Variants in DAB2IP observed in about 807,000 individuals in gnomAD.
DAB2IP encodes the protein disabled homolog 2-interacting protein.
Under a neutral mutation model 107.2 loss-of-function variants are expected in DAB2IP, and 28 were observed. That is an observed-to-expected ratio of 0.26 (90% CI 0.19 to 0.36). DAB2IP has a LOEUF of 0.36. Ranked by LOEUF, DAB2IP falls within the 10% of genes least tolerant of loss-of-function variation. The pLI, the probability that DAB2IP is intolerant of heterozygous loss-of-function variation, is 1.00. For missense variants in DAB2IP, 1,400 were observed against 1,644.7 expected, an observed-to-expected ratio of 0.85 and a Z score of 2.57; for synonymous variants, 755 against 706.4, an observed-to-expected ratio of 1.07 and a Z score of -1.09.
intron 1 of DAB2IP, among the ~76,000 whole-genome samples, chr9:121,574,704 C>G (rs1476221304): frequency 6.6e-6 from 1 of 152,136 alleles, no homozygotes; most frequent in Non-Finnish European, 1.5e-5. Context: ...TGTGAGCTTT[C>G]TCCACTTTGG....
In DAB2IP at chr9:121,702,213, G is replaced by A. The variant is rs1185396567; in HGVS notation, c.362+2755G>A. ...TGTGTTGGGGAGGTGGTTTTTTTGC[G>A]CTGGAATTCTCTCATCTGGAGGTTG... On this transcript the variant is annotated intron_variant, in intron 3 of 15. Transcript: ENST00000408936. This position sits in a 1 kb window ranked among gnomAD's most constrained non-coding sequence, Gnocchi z 4.5. 3.3e-5 allele frequency among the ~76,000 whole-genome samples: 5 copies of A among 152,106 alleles called. No homozygotes were observed. The highest frequency in any genetic ancestry group is 1.9e-4 in the East Asian group (1 of 5,194).
At position 121,760,847 on chromosome 9, in the gene DAB2IP, G is replaced by A. The variant is rs184445798; in HGVS notation, c.1170+408G>A. 6.6e-6 allele frequency among the ~76,000 whole-genome samples: 1 copy of A among 152,158 alleles called. No individual in the cohort carries two copies. The highest frequency in any genetic ancestry group is 2.1e-4 in the South Asian group (1 of 4,830). On this transcript the variant is annotated intron_variant, in intron 6 of 15. Coordinates refer to ENST00000408936, the Ensembl canonical transcript of DAB2IP. The surrounding 1 kb of genome is among the most constrained non-coding windows in gnomAD (Gnocchi z 5.9). ...ACGTCCCCTGTGGGGTATGGAGTTC[G>A]GCAGACCTCCCCAGCACGATGCACA...
At chr9:121,644,973 A>G (rs1832489009) in intron 1 of DAB2IP, among the ~76,000 whole-genome samples, 1 of 152,234 alleles carries the variant, frequency 6.6e-6, no homozygotes, top group Admixed American at 6.5e-5. Flanking sequence ...GAAATGGTTC[A>G]CAGATGACCA....
In DAB2IP at chr9:121,773,452, AG is replaced by A; in HGVS notation, c.2929del (p.Asp977ThrfsTer5). Reference sequence around the variant, plus strand: ...CTGAGGCAGCAGTCCTCTTCCTCCAAGGGGGACAGCCCAGAACTGAAGCCAC... The same window carrying A: ...CTGAGGCAGCAGTCCTCTTCCTCCAAGGGGACAGCCCAGAACTGAAGCCAC... On this transcript the variant is annotated frameshift_variant, in exon 12 of 16. Coordinates refer to ENST00000408936, the Ensembl canonical transcript of DAB2IP. LOFTEE classifies it high-confidence loss of function. 2.6e-6 allele frequency: 4 copies of A among 1,539,512 alleles called. No individual in the cohort carries two copies. The highest frequency in any genetic ancestry group is 3.5e-6 in the Non-Finnish European group (4 of 1,146,800).
chr9:121,671,525 C>T (rs1208518261), intron 1 of DAB2IP, among the ~76,000 whole-genome samples: 3 of 152,170 alleles, frequency 2.0e-5, no homozygotes, highest in African/African-American at 4.8e-5. Flanking sequence ...TTCTGCCTTA[C>T]TCATTCTGGA....
intron 3 of DAB2IP, among the ~76,000 whole-genome samples, chr9:121,743,963 T>C (rs1832536812): frequency 6.6e-6 from 1 of 152,060 alleles, no homozygotes; most frequent in African/African-American, 2.4e-5. Context: ...AGAAGAGCAC[T>C]GTTGCTGTTT....
intron 14 of DAB2IP, among the ~76,000 whole-genome samples, chr9:121,780,695 G>T (rs1588022672): frequency 6.6e-6 from 1 of 152,204 alleles, no homozygotes; most frequent in South Asian, 2.1e-4. Context: ...GTGGGAAGGT[G>T]GGAGTGCCCA....
chr9:121,713,679 A>G (rs979239717), intron 3 of DAB2IP, among the ~76,000 whole-genome samples: 2 of 152,138 alleles, frequency 1.3e-5, no homozygotes, highest in African/African-American at 2.4e-5. Flanking sequence ...GTGGATGGCC[A>G]GGGGAGCCTG....
In DAB2IP at chr9:121,781,565, C is replaced by T. The variant is rs554949456; in HGVS notation, c.3402+14C>T. ...ATTGATGCCCAGGTGGGGGCTCCGG[C>T]CCTTTGGTCAGCCACAAGAGTTAAA... On this transcript the variant is annotated intron_variant, in intron 15 of 15. Coordinates refer to ENST00000408936, the Ensembl canonical transcript of DAB2IP. The T allele has an allele frequency of 7.4e-5, 120 of 1,612,190 alleles. No homozygotes were observed. The South Asian group carries it at 1.2e-3, about 16-fold the overall frequency.
At position 121,772,170 on chromosome 9, in the gene DAB2IP, T is replaced by G. The variant is rs1267561122; in HGVS notation, c.2079-437T>G. ...GCCCCCACTTCAGTTACCAGTCTGA[T>G]TAGGAACAAGAGGGAAGAGGCAGAG... On this transcript the variant is annotated intron_variant, in intron 11 of 15. Transcript: ENST00000408936. The surrounding 1 kb of genome is among the most constrained non-coding windows in gnomAD (Gnocchi z 4.7). Among the ~76,000 whole-genome samples, 1 of 152,144 alleles carries G rather than the reference T, an allele frequency of 6.6e-6. No homozygotes were observed. Among genetic ancestry groups the G allele is most frequent in the East Asian group, 1.9e-4 (1 of 5,186 alleles).
chr9:121,704,752 C>G (rs1262238620), intron 3 of DAB2IP, among the ~76,000 whole-genome samples: 1 of 152,202 alleles, frequency 6.6e-6, no homozygotes, highest in Non-Finnish European at 1.5e-5. Context: ...CTAATCCTAT[C>G]ATTCATAAGG....
At chr9:121,673,469 C>T (rs905510618) in intron 1 of DAB2IP, among the ~76,000 whole-genome samples, 1 of 151,904 alleles carries the variant, frequency 6.6e-6, no homozygotes, top group African/African-American at 2.4e-5. Context: ...TCAGCAGGGG[C>T]GAGATTGCCC....
At chr9:121,750,478 ACT>A (rs745638453) in intron 3 of DAB2IP, among the ~76,000 whole-genome samples, 4 of 151,800 alleles carry the variant, frequency 2.6e-5, no homozygotes, top group Non-Finnish European at 5.9e-5. Flanking sequence ...CAGGGAGCCC[ACT>A]CTCTCTAAAA....
At position 121,608,408 on chromosome 9, in the gene DAB2IP, C is replaced by T. The variant is rs571222452; in HGVS notation, c.40+41180C>T. Among the ~76,000 whole-genome samples the T allele has an allele frequency of 4.6e-5, 7 of 152,168 alleles. No homozygotes were observed. In the East Asian group the frequency reaches 1.2e-3, roughly 25 times the overall value. ...CAGGAGGGAAGCGGGTTGGTGGAAA[C>T]AATAGGGGTAGATTTTTAAGCAAAG... On this transcript the variant is annotated intron_variant, in intron 1 of 16. Transcript: ENST00000259371.
At chr9:121,654,419 C>G (rs1294239492) in intron 1 of DAB2IP, among the ~76,000 whole-genome samples, 6 of 152,158 alleles carry the variant, frequency 3.9e-5, no homozygotes, top group Non-Finnish European at 8.8e-5. Flanking sequence ...TAGCAAGACC[C>G]TGTCTCAATA....
chr9:121,767,979 C>T (rs1264289680), intron 9 of DAB2IP, among the ~76,000 whole-genome samples: 4 of 152,030 alleles, frequency 2.6e-5, no homozygotes, highest in African/African-American at 4.8e-5. Context: ...GGGTAGGGAG[C>T]TCAGGAGGAG....
At chr9:121,767,811 G>A (rs371497621) in intron 9 of DAB2IP, among the ~76,000 whole-genome samples, 33 of 152,264 alleles carry the variant, frequency 2.2e-4, no homozygotes, top group African/African-American at 7.9e-4. Context: ...GGAGGGGAGC[G>A]GGTACAGGAG....
chr9:121,599,373 T>C lies in DAB2IP; in HGVS notation c.40+32145T>C, dbSNP rs1830612743. Among the ~76,000 whole-genome samples, 1 of 152,042 alleles carries C rather than the reference T, an allele frequency of 6.6e-6. No individual in the cohort carries two copies. The highest frequency in any genetic ancestry group is 1.5e-5 in the Non-Finnish European group (1 of 67,986). ...GGCCTCGGCTCTGCCCAGTCCGGCC[T>C]GGGCGGGGCGGTGGTGGGGAGGTCG... On this transcript the variant is annotated intron_variant, in intron 1 of 16. Transcript: ENST00000259371. This position sits in a 1 kb window ranked among gnomAD's most constrained non-coding sequence, Gnocchi z 6.9.
At chr9:121,697,305 T>C (rs1048325914) in intron 2 of DAB2IP, among the ~76,000 whole-genome samples, 2 of 152,182 alleles carry the variant, frequency 1.3e-5, no homozygotes, top group Admixed American at 6.5e-5. Context: ...ATTGCAAAAA[T>C]TGTGAAATTT....
Sources: allele counts gnomAD v4.1 joint callset (sites outside exome capture counted in the v4.1 genomes callset), GRCh38; gene constraint gnomAD v4.1.1; non-coding constraint Gnocchi (gnomAD v3.1); transcripts MANE v1.5; gene names NCBI Gene and HGNC (gene_info 2026-07-23, HGNC 2026-07-21).